Variants in L3MBTL4 observed in about 807,000 individuals in gnomAD.
L3MBTL4 encodes L3MBTL histone methyl-lysine binding protein 4, also known as lethal(3)malignant brain tumor-like protein 4.
A neutral mutation model predicts 84.5 loss-of-function variants in L3MBTL4; 70 were observed. The observed-to-expected ratio is 0.83, with a 90% CI of 0.68 to 1.01. L3MBTL4 has a LOEUF of 1.01. L3MBTL4 is among the 50% of genes least tolerant of loss of function. L3MBTL4 has a pLI of 0.00. For synonymous variants in L3MBTL4, 274 were observed against 259.8 expected (o/e 1.05, Z -0.52); for missense variants, 715 against 754.8 (o/e 0.95, Z 0.62).
chr18:6,319,021 A>T (rs1475238318), intron 1 of L3MBTL4, among the ~76,000 whole-genome samples: 3 of 152,158 alleles, frequency 2.0e-5, no homozygotes, highest in African/African-American at 7.2e-5. Flanking sequence ...CAATCTGCCC[A>T]TGAATTATTT....
intron 1 of L3MBTL4, among the ~76,000 whole-genome samples, chr18:6,315,668 T>C (rs978286858): frequency 8.5e-5 from 13 of 152,208 alleles, no homozygotes; most frequent in African/African-American, 3.1e-4. Flanking sequence ...AGTTTAGTTA[T>C]CTGAAACTTA....
At chr18:5,966,396 G>A (rs1275044209) in intron 17 of L3MBTL4, among the ~76,000 whole-genome samples, 1 of 152,126 alleles carries the variant, frequency 6.6e-6, no homozygotes, top group East Asian at 1.9e-4. Flanking sequence ...GACCAGCTCT[G>A]ACACCTGTCC....
At chr18:6,396,588 C>A (rs2055281336) in intron 1 of L3MBTL4, 1 of 152,228 alleles carries the variant, frequency 6.6e-6, no homozygotes, top group South Asian at 2.1e-4. Flanking sequence ...GGAAACCACC[C>A]CTGTGACTTA....
intron 12 of L3MBTL4, among the ~76,000 whole-genome samples, chr18:6,185,084 T>G (rs2044658226): frequency 6.6e-6 from 1 of 152,204 alleles, no homozygotes; most frequent in Non-Finnish European, 1.5e-5. Flanking sequence ...TTTGATGAAT[T>G]CCATTTTGAT....
At chr18:6,151,784 A>G (rs1331418259) in intron 13 of L3MBTL4, among the ~76,000 whole-genome samples, 4 of 152,360 alleles carry the variant, frequency 2.6e-5, no homozygotes, top group African/African-American at 4.8e-5. Flanking sequence ...TGTGATGATT[A>G]CCACAATCAA....
At chr18:6,126,560 T>C (rs2059701180) in intron 14 of L3MBTL4, among the ~76,000 whole-genome samples, 3 of 152,214 alleles carry the variant, frequency 2.0e-5, no homozygotes, top group Admixed American at 2.0e-4. Context: ...TCAAATAATA[T>C]AGTACCTTTG....
chr18:6,054,505 C>A (rs778441091), intron 16 of L3MBTL4, among the ~76,000 whole-genome samples: 2 of 152,170 alleles, frequency 1.3e-5, no homozygotes, highest in East Asian at 3.9e-4. Context: ...ACTTAGCAAA[C>A]ATCCTTCTTT....
At chr18:6,256,660 G>A (rs1043261696) in intron 5 of L3MBTL4, 1 of 152,036 alleles carries the variant, frequency 6.6e-6, no homozygotes, top group Non-Finnish European at 1.5e-5. Context: ...GATGAAATGA[G>A]GAACCACTTC....
rs1417566844 is a variant in L3MBTL4, at chr18:6,078,384, G to A, written c.1444+2497C>T. 5.4e-5 allele frequency among the ~76,000 whole-genome samples: 7 copies of A among 129,894 alleles called. 1 individual carries two copies. In the East Asian group the frequency reaches 9.0e-4, roughly 17 times the overall value. 85.2% of individuals were successfully genotyped at this position (129,894 alleles called of 152,430 possible). Reference sequence around the variant, plus strand: ...GGAGATTGCAGTGAGCCAAGGTCGCGCCACTGCACTCCAGCCTGGGCAACA... The same window carrying A: ...GGAGATTGCAGTGAGCCAAGGTCGCACCACTGCACTCCAGCCTGGGCAACA... On this transcript the variant is annotated intron_variant, in intron 16 of 18. Transcript: ENST00000317931.
At chr18:6,247,176 A>G (rs564606828) in intron 5 of L3MBTL4, among the ~76,000 whole-genome samples, 1 of 152,348 alleles carries the variant, frequency 6.6e-6, no homozygotes, top group South Asian at 2.1e-4. Flanking sequence ...CCCTAAGAAT[A>G]GAACATTCTC....
chr18:6,207,843 C>T (rs1301082808), intron 12 of L3MBTL4, among the ~76,000 whole-genome samples: 1 of 152,056 alleles, frequency 6.6e-6, no homozygotes, highest in African/African-American at 2.4e-5. Flanking sequence ...CGACGTCTCA[C>T]ACCTATAATC....
At chr18:6,140,547 C>T (rs1007154946) in intron 13 of L3MBTL4, among the ~76,000 whole-genome samples, 4 of 152,136 alleles carry the variant, frequency 2.6e-5, no homozygotes, top group African/African-American at 4.8e-5. Context: ...ATGGACAGAG[C>T]AGAGCGCCTC....
chr18:6,091,000 A>G (rs1193093928), intron 15 of L3MBTL4, among the ~76,000 whole-genome samples: 1 of 152,114 alleles, frequency 6.6e-6, no homozygotes, highest in Non-Finnish European at 1.5e-5. Context: ...CTATTTTTGG[A>G]CAGCAGCCAA....
intron 12 of L3MBTL4, among the ~76,000 whole-genome samples, chr18:6,185,853 G>T (rs2044700802): frequency 6.6e-6 from 1 of 152,132 alleles, no homozygotes; most frequent in Non-Finnish European, 1.5e-5. Context: ...TGTGAGAAAT[G>T]ACTATGCCAA....
chr18:6,012,325 C>T (rs1167139951), intron 16 of L3MBTL4, among the ~76,000 whole-genome samples: 5 of 151,996 alleles, frequency 3.3e-5, no homozygotes, highest in Admixed American at 2.6e-4. Flanking sequence ...TAAATATCAA[C>T]GAGGAGAAAA....
chr18:6,156,685 G>A (rs922777581), intron 13 of L3MBTL4, among the ~76,000 whole-genome samples: 4 of 152,166 alleles, frequency 2.6e-5, no homozygotes, highest in Non-Finnish European at 5.9e-5. Context: ...ATTGGGATAG[G>A]GTGAGAATCT....
At chr18:6,384,029 G>A (rs776682062) in intron 1 of L3MBTL4, among the ~76,000 whole-genome samples, 8 of 152,138 alleles carry the variant, frequency 5.3e-5, no homozygotes, top group Non-Finnish European at 1.0e-4. Flanking sequence ...CTCTAAGGGT[G>A]GAAGCCCAAT....
At chr18:6,056,771 A>C (rs1167330297) in intron 16 of L3MBTL4, among the ~76,000 whole-genome samples, 2 of 152,182 alleles carry the variant, frequency 1.3e-5, no homozygotes, top group African/African-American at 2.4e-5. Flanking sequence ...CTGGATTTGC[A>C]GAGGTCACTC....
At chr18:6,169,739 T>C (rs1459142220) in intron 13 of L3MBTL4, among the ~76,000 whole-genome samples, 1 of 151,424 alleles carries the variant, frequency 6.6e-6, no homozygotes, top group African/African-American at 2.4e-5. Flanking sequence ...AATGGCGAGT[T>C]AATGGGTGCA....
Sources: allele counts gnomAD v4.1 joint callset (sites outside exome capture counted in the v4.1 genomes callset), GRCh38; gene constraint gnomAD v4.1.1; transcripts MANE v1.5; gene names NCBI Gene and HGNC (gene_info 2026-07-23, HGNC 2026-07-21).